The following IRAG1 variants were observed in gnomAD, a reference collection of about 807,000 sequenced individuals.
IRAG1 encodes the protein inositol 1,4,5-triphosphate receptor associated 1, also known as IP3R-associated cGMP kinase substrate.
IRAG1 carries 62 observed loss-of-function variants against 106.2 expected under a neutral mutation model. That is an observed-to-expected ratio of 0.58 (90% CI 0.48 to 0.72). The LOEUF is 0.72. Ranked by LOEUF, IRAG1 falls within the 30% of genes least tolerant of loss-of-function variation. The pLI, the probability that IRAG1 is intolerant of heterozygous loss-of-function variation, is 0.00. For synonymous variants in IRAG1, 462 were observed against 443.9 expected (o/e 1.04, Z -0.51); for missense variants, 1,064 against 1,140.7 (o/e 0.93, Z 0.97).
chr11:10,619,327 G>C (rs969183456), intron 10 of IRAG1, among the ~76,000 whole-genome samples: 9 of 152,106 alleles, frequency 5.9e-5, no homozygotes, highest in African/African-American at 2.2e-4. Flanking sequence ...TTTCTCAAAG[G>C]AACAGCCAAC....
At chr11:10,594,564 G>A (rs183160613) in intron 15 of IRAG1, among the ~76,000 whole-genome samples, 19 of 152,296 alleles carry the variant, frequency 1.2e-4, no homozygotes, top group South Asian at 4.1e-4. Context: ...AGGATGTACA[G>A]TCAGAGAAAC....
chr11:10,624,721 C>A (rs1281222107), intron 9 of IRAG1, among the ~76,000 whole-genome samples: 1 of 152,168 alleles, frequency 6.6e-6, no homozygotes, highest in African/African-American at 2.4e-5. Flanking sequence ...GGCCCACAGC[C>A]CATCAGCTTC....
intron 13 of IRAG1, 85 bp downstream of exon 13, chr11:10,604,320 G>A: frequency 6.5e-7 from 1 of 1,534,892 alleles, no homozygotes; most frequent in Admixed American, 1.8e-5. Context: ...ACTATACTTG[G>A]TACCTGAGAG....
At chr11:10,645,125 A>G (rs1857840400) in intron 2 of IRAG1, among the ~76,000 whole-genome samples, 1 of 152,208 alleles carries the variant, frequency 6.6e-6, no homozygotes. Flanking sequence ...TTAATGCTCA[A>G]TAAACATTTA....
chr11:10,656,869 G>A (rs11820617), intron 1 of IRAG1, among the ~76,000 whole-genome samples: 3,210 of 152,140 alleles, frequency 0.021, 125 homozygotes, highest in African/African-American at 0.073. Context: ...AGACTAGCAC[G>A]GGGGCCCTGC....
intron 2 of IRAG1, among the ~76,000 whole-genome samples, chr11:10,649,046 C>A (rs80298428): frequency 1.3e-5 from 2 of 152,130 alleles, no homozygotes; most frequent in East Asian, 1.9e-4. Context: ...GACTTCCAGC[C>A]GAGTCATCCT....
intron 1 of IRAG1, among the ~76,000 whole-genome samples, chr11:10,672,771 A>G (rs1589956860): frequency 6.6e-6 from 1 of 152,206 alleles, no homozygotes; most frequent in Non-Finnish European, 1.5e-5. Flanking sequence ...GCAGTTCCTC[A>G]AAAGGTTGAA....
At position 10,580,641 on chromosome 11, in the gene IRAG1, C is replaced by T. The variant is rs2134083983; in HGVS notation, c.2361-52G>A. On this transcript the variant is annotated intron_variant, in intron 19 of 20. Coordinates refer to ENST00000423302, the MANE Select transcript of IRAG1 (RefSeq NM_130385.4). The stretch of plus-strand genomic sequence containing the variant: ...TCTGGAAAGGGCAGATGCAGTGCAT[C>T]CTTTCCTGAGTTCCTAGGGGAGGGG... The T allele has an allele frequency of 2.5e-6, 4 of 1,593,534 alleles. No individual in the cohort carries two copies. In the East Asian group the frequency reaches 8.9e-5, roughly 36 times the overall value.
In IRAG1 at chr11:10,626,258, G is replaced by C. The variant is rs1564914528; in HGVS notation, c.1076C>G (p.Ala359Gly). 6.2e-7 allele frequency: 1 copy of C among 1,609,234 alleles called. No homozygotes were observed. The highest frequency in any genetic ancestry group is 8.5e-7 in the Non-Finnish European group (1 of 1,177,418). The change falls in exon 9 of 21, where the codon GCC (alanine) becomes GGC (glycine). Residue 359 changes from alanine (A) to glycine (G), a missense_variant. By Grantham distance (60) the Ala-to-Gly change is moderately conservative. Transcript: ENST00000423302. ...TQDAAGVGPP[A>G]SQGRGPAGEP... is the part of the protein sequence containing the mutation. ...TCCAGCTGGGCCTCTCCCCTGGGAG[G>C]CTGGGGGACCCACTCCTGCCGCATC...
chr11:10,606,420 T>G (rs936380146), intron 12 of IRAG1, among the ~76,000 whole-genome samples: 3 of 152,346 alleles, frequency 2.0e-5, no homozygotes, highest in Admixed American at 2.0e-4. Context: ...TGAAATAAAT[T>G]TGATTCAATT....
At chr11:10,643,879 G>C (rs1171559227) in intron 2 of IRAG1, among the ~76,000 whole-genome samples, 2 of 152,172 alleles carry the variant, frequency 1.3e-5, no homozygotes, top group African/African-American at 4.8e-5. Context: ...ACAAAGAACA[G>C]CAATCTGTTT....
chr11:10,683,080 A>G (rs886726460), intron 1 of IRAG1, among the ~76,000 whole-genome samples: 6 of 152,236 alleles, frequency 3.9e-5, no homozygotes, highest in Non-Finnish European at 5.9e-5. Context: ...ATTTTTAATT[A>G]AAAATAGTAA....
In IRAG1 at chr11:10,628,734, G is replaced by A. The variant is rs749632312; in HGVS notation, c.652+17C>T. Reference sequence around the variant, plus strand: ...GCGAGAGGCAGGGCAGGAAGTCCCCGGGCAGCTGGGCCTCACCTGGCGGGG... The same window carrying A: ...GCGAGAGGCAGGGCAGGAAGTCCCCAGGCAGCTGGGCCTCACCTGGCGGGG... On this transcript the variant is annotated intron_variant, in intron 6 of 20. Coordinates refer to ENST00000423302, the MANE Select transcript of IRAG1 (RefSeq NM_130385.4). The surrounding 1 kb of genome is among the most constrained non-coding windows in gnomAD (Gnocchi z 4.1). 35 of 1,520,220 alleles carry A rather than the reference G, an allele frequency of 2.3e-5. No homozygotes were observed. In the African/African-American group the frequency reaches 3.6e-4, roughly 15 times the overall value. The allele number at this position is 1,520,220 out of a possible 1,614,324, so 94.2% of individuals were successfully genotyped here.
chr11:10,652,223 C>T (rs374281464), intron 1 of IRAG1, 41 bp from the exon 2 acceptor site: 32 of 1,606,740 alleles, frequency 2.0e-5, no homozygotes, highest in South Asian at 1.9e-4. Context: ...CCATTCCCAT[C>T]CCTGTCCCAA....
chr11:10,657,067 C>T lies in IRAG1; in HGVS notation c.68-4885G>A, dbSNP rs1426765585. Among the ~76,000 whole-genome samples, 4 of 152,144 alleles carry T rather than the reference C, an allele frequency of 2.6e-5. No homozygotes were observed. The highest frequency in any genetic ancestry group is 1.3e-4 in the Admixed American group (2 of 15,276). On this transcript the variant is annotated intron_variant, in intron 1 of 20. Transcript: ENST00000423302. The surrounding 1 kb of genome is among the most constrained non-coding windows in gnomAD (Gnocchi z 4.1). ...GCAGGTGGAGGACGCGGAGGCCGGC[C>T]CTGCCTTGTAGGCTTCAAAGGCCTT...
chr11:10,650,335 A>T (rs1349463572), intron 2 of IRAG1, among the ~76,000 whole-genome samples: 1 of 152,220 alleles, frequency 6.6e-6, no homozygotes, highest in African/African-American at 2.4e-5. Context: ...GAAGAATTTA[A>T]TATAAAAGCC....
chr11:10,676,726 T>C (rs1359751929), intron 1 of IRAG1, among the ~76,000 whole-genome samples: 1 of 152,236 alleles, frequency 6.6e-6, no homozygotes, highest in African/African-American at 2.4e-5. Flanking sequence ...GATCCAGCCA[T>C]GTCCGAGATT....
rs531082158 is a variant in IRAG1 at position 10,651,983 on chromosome 11, GC to G, written c.225+41del. On this transcript the variant is annotated intron_variant, in intron 2 of 20. Coordinates refer to ENST00000423302, the MANE Select transcript of IRAG1 (RefSeq NM_130385.4). ...GCCTCAGCCCAGGGTGCTTGGCTTG[GC>G]CCCCAGCCAGGCTAGCTGAGGGCAG... 1.9e-4 allele frequency: 289 copies of G among 1,518,800 alleles called. 1 individual carries two copies. In the African/African-American group the frequency reaches 3.7e-3, roughly 20 times the overall value. 94.1% of individuals were successfully genotyped at this position (1,518,800 alleles called of 1,614,324 possible).
rs145492996 is a variant in IRAG1, at chr11:10,632,791, C to T, written c.330-730G>A. Among the ~76,000 whole-genome samples, 3 of 152,326 alleles carry T rather than the reference C, an allele frequency of 2.0e-5. No individual in the cohort carries two copies. The East Asian group carries it at 5.8e-4, about 29-fold the overall frequency. On this transcript the variant is annotated intron_variant, in intron 3 of 20. Coordinates refer to ENST00000423302, the MANE Select transcript of IRAG1 (RefSeq NM_130385.4). ...TGTAGAAGCCTCATAAAATGTAAAT[C>T]ATTGTTGTCTGACAAAGACGCAGAT...
Sources: allele counts gnomAD v4.1 joint callset (sites outside exome capture counted in the v4.1 genomes callset), GRCh38; gene constraint gnomAD v4.1.1; non-coding constraint Gnocchi (gnomAD v3.1); transcripts MANE v1.5; gene names NCBI Gene and HGNC (gene_info 2026-07-23, HGNC 2026-07-21).